MYO1E: variants seen among roughly 807,000 people sequenced by gnomAD.
MYO1E encodes the protein myosin IE, also known as unconventional myosin-Ie.
MYO1E carries 68 observed loss-of-function variants against 151.1 expected under a neutral mutation model. The observed-to-expected ratio is 0.45, with a 90% CI of 0.37 to 0.55. The LOEUF (loss-of-function observed/expected upper bound fraction) is 0.55, where lower values mean the gene tolerates loss of function less well. Among genes scored for constraint, MYO1E ranks in the 20% least tolerant of loss-of-function variants. MYO1E has a pLI of 0.00. For missense variants in MYO1E, 1,363 were observed against 1,389.3 expected (o/e 0.98, Z 0.30); for synonymous variants, 601 against 501.7 (o/e 1.20, Z -2.64).
At chr15:59,155,152 G>A (rs2079502717) in intron 25 of MYO1E, among the ~76,000 whole-genome samples, 1 of 152,160 alleles carries the variant, frequency 6.6e-6, no homozygotes, top group African/African-American at 2.4e-5. Flanking sequence ...ATGTCACATG[G>A]CCAGTGATAA....
At position 59,133,091 on chromosome 15, in the gene MYO1E, C is replaced by T. The variant is rs2079354040; in HGVS notation, c.*4289G>A. ...TTGAATTGGAGAAAATGATTAAAAGCACAGGCCTTTTGGGCACAGTGGCTC... is the reference window on the plus strand; with the variant it reads ...TTGAATTGGAGAAAATGATTAAAAGTACAGGCCTTTTGGGCACAGTGGCTC... On this transcript the variant is annotated 3_prime_UTR_variant, in exon 28 of 28. Coordinates refer to ENST00000288235, the MANE Select transcript of MYO1E (RefSeq NM_004998.4). 1 of 152,222 alleles carries T rather than the reference C, an allele frequency of 6.6e-6. No individual in the cohort carries two copies. Among genetic ancestry groups the T allele is most frequent in the East Asian group, 1.9e-4 (1 of 5,204 alleles). The allele number at this position is 152,222 out of a possible 1,614,324, so 9.4% of individuals were successfully genotyped here.
At chr15:59,181,111 C>T (rs1193029057) in intron 18 of MYO1E, among the ~76,000 whole-genome samples, 1 of 152,070 alleles carries the variant, frequency 6.6e-6, no homozygotes, top group African/African-American at 2.4e-5. Flanking sequence ...TCCTGGCAGC[C>T]AGGAGAACGC....
rs144428096 is a variant in MYO1E, at chr15:59,208,925, G to T, written c.1363-77C>A. On this transcript the variant is annotated intron_variant, in intron 13 of 27. Transcript: ENST00000288235. ...CAATGCTTATCAGGTCCTTTCTTAGGCAAGGAAACAGCTCCCCAGACTTAA... is the reference window on the plus strand; with the variant it reads ...CAATGCTTATCAGGTCCTTTCTTAGTCAAGGAAACAGCTCCCCAGACTTAA... 226 of 1,549,888 alleles carry T rather than the reference G, an allele frequency of 1.5e-4. No individual in the cohort carries two copies. The East Asian group carries it at 4.0e-3, about 27-fold the overall frequency.
chr15:59,198,966 G>A (rs554741554), intron 16 of MYO1E, among the ~76,000 whole-genome samples: 110 of 152,258 alleles, frequency 7.2e-4, no homozygotes, highest in African/African-American at 2.6e-3. Flanking sequence ...CCACCTCTGA[G>A]CTTGGTTCTG....
intron 1 of MYO1E, among the ~76,000 whole-genome samples, chr15:59,279,476 C>G (rs2140387882): frequency 6.6e-6 from 1 of 152,124 alleles, no homozygotes; most frequent in East Asian, 1.9e-4. Context: ...TCAAAAAAGC[C>G]AAGGACAACT....
At chr15:59,242,816 T>A (rs1308462526) in intron 4 of MYO1E, among the ~76,000 whole-genome samples, 3 of 152,198 alleles carry the variant, frequency 2.0e-5, no homozygotes, top group Non-Finnish European at 4.4e-5. Flanking sequence ...TCTATGGTAG[T>A]CCAGCCTAGA....
chr15:59,148,311 C>T (rs1347979856), intron 26 of MYO1E, among the ~76,000 whole-genome samples: 2 of 152,182 alleles, frequency 1.3e-5, no homozygotes, highest in African/African-American at 2.4e-5. Flanking sequence ...GATGCAAATC[C>T]TGTGCTCTCT....
intron 23 of MYO1E, 57 bp from the exon 24 acceptor site, chr15:59,161,287 C>G (rs2079536946): frequency 1.3e-6 from 2 of 1,575,686 alleles, no homozygotes; most frequent in Admixed American, 3.5e-5. Flanking sequence ...AAACGGTGCT[C>G]AGAGATCCCG....
intron 14 of MYO1E, among the ~76,000 whole-genome samples, chr15:59,205,717 C>T (rs2079829338): frequency 6.6e-6 from 1 of 152,146 alleles, no homozygotes; most frequent in African/African-American, 2.4e-5. Context: ...GGAAGGCCTG[C>T]AGATGCTGAT....
At chr15:59,208,135 A>C in intron 14 of MYO1E, 1 of 1,471,608 alleles carries the variant, frequency 6.8e-7, no homozygotes, top group Non-Finnish European at 9.1e-7. Flanking sequence ...TCATAGATAC[A>C]GGATTATATA....
At chr15:59,273,964 A>G (rs924162044) in intron 1 of MYO1E, among the ~76,000 whole-genome samples, 6 of 152,222 alleles carry the variant, frequency 3.9e-5, no homozygotes, top group Non-Finnish European at 7.3e-5. Flanking sequence ...CTAGGATGAA[A>G]AAAGGGAAAA....
At chr15:59,150,705 G>A (rs2079470422) in intron 26 of MYO1E, among the ~76,000 whole-genome samples, 1 of 152,078 alleles carries the variant, frequency 6.6e-6, no homozygotes, top group Non-Finnish European at 1.5e-5. Flanking sequence ...TCACATGGAG[G>A]CTTCCCTGGC....
At chr15:59,224,412 C>T (rs1191509268) in intron 8 of MYO1E, among the ~76,000 whole-genome samples, 6 of 152,166 alleles carry the variant, frequency 3.9e-5, no homozygotes, top group Non-Finnish European at 8.8e-5. Context: ...GTATGCTCAA[C>T]GTATGAATCA....
chr15:59,196,259 G>A (rs1360763924), intron 16 of MYO1E, among the ~76,000 whole-genome samples: 2 of 152,010 alleles, frequency 1.3e-5, no homozygotes, highest in Non-Finnish European at 2.9e-5. Flanking sequence ...TTCTATTAAT[G>A]CCTGTGCACT....
chr15:59,181,663 C>T (rs1262388349), intron 18 of MYO1E, among the ~76,000 whole-genome samples: 3 of 152,180 alleles, frequency 2.0e-5, no homozygotes, highest in Admixed American at 6.5e-5. Flanking sequence ...AGAGAGGAAA[C>T]GAACACACAC....
At chr15:59,304,652 T>G in intron 1 of MYO1E, among the ~76,000 whole-genome samples, 1 of 152,232 alleles carries the variant, frequency 6.6e-6, no homozygotes, top group East Asian at 1.9e-4. Flanking sequence ...GAAACTATGC[T>G]CTGTTGCATC....
chr15:59,214,376 G>T (rs1357898355), intron 11 of MYO1E, 62 bp from the exon 12 acceptor site: 1 of 1,275,188 alleles, frequency 7.8e-7, no homozygotes, highest in Non-Finnish European at 1.1e-6. Context: ...GTCATTTCTG[G>T]AGTGATTTAT....
rs1449561438 is a variant in MYO1E at position 59,218,101 on chromosome 15, A to G, written c.911-14T>C. On this transcript the variant is annotated splice_polypyrimidine_tract_variant and intron_variant, in intron 9 of 27. Coordinates refer to ENST00000288235, the MANE Select transcript of MYO1E (RefSeq NM_004998.4). ...GAAAAGCTAAAACTGTAGAACATAA[A>G]ACAAAACATGACAATCTTTCAGAAT... The G allele has an allele frequency of 6.2e-7, 1 of 1,613,782 alleles. No homozygotes were observed. The highest frequency in any genetic ancestry group is 2.2e-5 in the East Asian group (1 of 44,880).
intron 4 of MYO1E, among the ~76,000 whole-genome samples, chr15:59,241,181 G>C (rs1052288413): frequency 1.3e-5 from 2 of 152,172 alleles, no homozygotes; most frequent in African/African-American, 4.8e-5. Flanking sequence ...ATACATAAGA[G>C]GCAAAAATTC....
Sources: allele counts gnomAD v4.1 joint callset (sites outside exome capture counted in the v4.1 genomes callset), GRCh38; gene constraint gnomAD v4.1.1; transcripts MANE v1.5; gene names NCBI Gene and HGNC (gene_info 2026-07-23, HGNC 2026-07-21).